Variants in KCNAB1 observed in about 807,000 individuals in gnomAD.
KCNAB1 encodes the protein voltage-gated potassium channel subunit beta-1.
Under a neutral mutation model 64.6 loss-of-function variants are expected in KCNAB1, and 35 were observed. The ratio of observed to expected loss-of-function variants is 0.54; its 90% CI spans 0.41 to 0.72. KCNAB1 has a LOEUF of 0.72. Ranked by LOEUF, KCNAB1 falls within the 30% of genes least tolerant of loss-of-function variation. The pLI is 0.00. For synonymous variants in KCNAB1, 177 were observed against 183.8 expected (o/e 0.96, Z 0.30); for missense variants, 401 against 512.9 (o/e 0.78, Z 2.11).
chr3:156,125,854 G>C (rs561928944), intron 1 of KCNAB1, among the ~76,000 whole-genome samples: 4 of 152,278 alleles, frequency 2.6e-5, no homozygotes, highest in Admixed American at 2.6e-4. Context: ...CTTTGGTTGA[G>C]CTTATGAAAG....
chr3:156,276,309 G>C (rs1719344652), intron 1 of KCNAB1, among the ~76,000 whole-genome samples: 1 of 152,112 alleles, frequency 6.6e-6, no homozygotes, highest in African/African-American at 2.4e-5. Flanking sequence ...AGGCTTTGTT[G>C]TTCCATTTAG....
intron 1 of KCNAB1, among the ~76,000 whole-genome samples, chr3:156,221,774 A>T (rs1297040018): frequency 4.2e-5 from 6 of 141,768 alleles, no homozygotes; most frequent in African/African-American, 1.3e-4. Context: ...GCAAAACTCC[A>T]TCCCCCCCCG....
chr3:156,120,572 G>T, upstream of KCNAB1: 1 of 1,610,840 alleles, frequency 6.2e-7, no homozygotes, highest in South Asian at 1.1e-5. Context: ...AGATTACTTT[G>T]ATGACAGTGA....
chr3:156,426,699 C>T (rs1419028781), intron 2 of KCNAB1, among the ~76,000 whole-genome samples: 1 of 152,136 alleles, frequency 6.6e-6, no homozygotes, highest in Non-Finnish European at 1.5e-5. Flanking sequence ...TTGCCTTTTC[C>T]AGAATGTCAT....
At chr3:156,273,356 C>T (rs1291847953) in intron 1 of KCNAB1, among the ~76,000 whole-genome samples, 2 of 152,212 alleles carry the variant, frequency 1.3e-5, no homozygotes, top group Non-Finnish European at 2.9e-5. Flanking sequence ...TAGCACTTTA[C>T]CCCCTGGCAG....
intron 1 of KCNAB1, among the ~76,000 whole-genome samples, chr3:156,337,180 TG>T (rs1274211769): frequency 6.6e-6 from 1 of 152,204 alleles, no homozygotes; most frequent in Non-Finnish European, 1.5e-5. Context: ...GAAATAAAAT[TG>T]CATTATATGC....
chr3:156,420,112 C>T (rs994521049), intron 1 of KCNAB1, among the ~76,000 whole-genome samples: 1 of 152,210 alleles, frequency 6.6e-6, no homozygotes, highest in South Asian at 2.1e-4. Flanking sequence ...GAAAATTTAG[C>T]ACCATGTCTG....
At chr3:156,486,867 G>A (rs1715256800) in intron 8 of KCNAB1, among the ~76,000 whole-genome samples, 1 of 152,132 alleles carries the variant, frequency 6.6e-6, no homozygotes, top group African/African-American at 2.4e-5. Context: ...ATGTGCTTAT[G>A]ACTTAAAATG....
intron 7 of KCNAB1, among the ~76,000 whole-genome samples, chr3:156,465,925 A>G (rs996193561): frequency 6.6e-6 from 1 of 152,180 alleles, no homozygotes; most frequent in African/African-American, 2.4e-5. Context: ...AGCTATTACT[A>G]ATATTAATAA....
intron 1 of KCNAB1, chr3:156,273,436 A>G: frequency 2.7e-6 from 1 of 367,940 alleles, no homozygotes. Context: ...CCTGGTCTAA[A>G]TGCTCCTTCT....
In KCNAB1 at chr3:156,397,666, G is replaced by C. The variant is rs142122210; in HGVS notation, c.276-23950G>C. ...AAATTACTTTACTTTGGTGTATTAA[G>C]AATCCTGCCCACACAAGAATTACAA... On this transcript the variant is annotated intron_variant, in intron 1 of 13. Coordinates refer to ENST00000490337, the MANE Select transcript of KCNAB1 (RefSeq NM_172160.3). 4.5e-4 allele frequency among the ~76,000 whole-genome samples: 69 copies of C among 152,014 alleles called. No homozygotes were observed. In the South Asian group the frequency reaches 8.7e-3, roughly 19 times the overall value.
chr3:156,167,494 C>G (rs1027836467), intron 1 of KCNAB1, among the ~76,000 whole-genome samples: 4 of 152,120 alleles, frequency 2.6e-5, no homozygotes, highest in African/African-American at 9.7e-5. Flanking sequence ...TCTTTTTTAA[C>G]CAATAAGCTT....
chr3:156,346,316 A>G (rs1576754560), intron 1 of KCNAB1, among the ~76,000 whole-genome samples: 1 of 152,268 alleles, frequency 6.6e-6, no homozygotes, highest in East Asian at 1.9e-4. Context: ...TGTATGAAGT[A>G]CTGATGTATA....
rs1356637921 is a variant in KCNAB1, at chr3:156,387,098, CTA to C, written c.276-34516_276-34515del. On this transcript the variant is annotated intron_variant, in intron 1 of 13. Transcript: ENST00000490337. ...ATTTTCCTCTTCAAATTGAAAAGTA[CTA>C]TGCATTCTAGAAGGTTGGCTGGGTC... Among the ~76,000 whole-genome samples, 3 of 143,236 alleles carry C rather than the reference CTA, an allele frequency of 2.1e-5. No individual in the cohort carries two copies. The East Asian group carries it at 6.5e-4, about 31-fold the overall frequency. The allele number at this position is 143,236 out of a possible 152,430, so 94.0% of individuals were successfully genotyped here.
At chr3:156,253,181 A>C (rs570794170) in intron 1 of KCNAB1, among the ~76,000 whole-genome samples, 26 of 152,358 alleles carry the variant, frequency 1.7e-4, no homozygotes, top group African/African-American at 6.3e-4. Flanking sequence ...CCTGTGTTTA[A>C]GAAGACTGCC....
chr3:156,139,584 GTTTTTTTTTT>G (rs386398329), intron 1 of KCNAB1, among the ~76,000 whole-genome samples: 19 of 55,256 alleles, frequency 3.4e-4, no homozygotes, highest in African/African-American at 5.3e-4. Context: ...ATTGTACTGT[GTTTTTTTTTT>G]TTTTTTTTTT....
At chr3:156,162,171 C>A (rs566244866) in intron 1 of KCNAB1, among the ~76,000 whole-genome samples, 1 of 152,124 alleles carries the variant, frequency 6.6e-6, no homozygotes, top group South Asian at 2.1e-4. Context: ...TGCTTTCATA[C>A]TTGAAATCAT....
intron 1 of KCNAB1, among the ~76,000 whole-genome samples, chr3:156,270,699 T>A (rs1718981983): frequency 6.6e-6 from 1 of 152,244 alleles, no homozygotes; most frequent in Non-Finnish European, 1.5e-5. Flanking sequence ...TCTTTTCATC[T>A]TTCTACTTAA....
chr3:156,443,888 T>C (rs1292694708), intron 2 of KCNAB1, among the ~76,000 whole-genome samples: 1 of 152,178 alleles, frequency 6.6e-6, no homozygotes, highest in Non-Finnish European at 1.5e-5. Flanking sequence ...TTTATTGCTA[T>C]TTCAAGCTCT....
Sources: allele counts gnomAD v4.1 joint callset (sites outside exome capture counted in the v4.1 genomes callset), GRCh38; gene constraint gnomAD v4.1.1; transcripts MANE v1.5; gene names NCBI Gene and HGNC (gene_info 2026-07-23, HGNC 2026-07-21).